Variants in PSD3 observed in about 807,000 individuals in gnomAD.
PSD3 encodes the protein pleckstrin and Sec7 domain containing 3.
A neutral mutation model predicts 105.5 loss-of-function variants in PSD3; 49 were observed. The observed-to-expected ratio is 0.46, with a 90% confidence interval of 0.37 to 0.59. The LOEUF (loss-of-function observed/expected upper bound fraction) is 0.59, where lower values mean the gene tolerates loss of function less well. PSD3 is among the 20% of genes least tolerant of loss of function. The pLI is 0.00. For missense variants in PSD3, 1,561 were observed against 1,263.8 expected (o/e 1.24, Z -3.57); for synonymous variants, 557 against 457.8 (o/e 1.22, Z -2.77).
rs1261460608 is a variant in PSD3, at chr8:18,856,668, A to G, written c.1634+11006T>C. ...TTGCGTTGAGGTGGGGCTTCTAAATAGAGTAATTATAAAGACAATAAAAGA... is the reference window on the plus strand; with the variant it reads ...TTGCGTTGAGGTGGGGCTTCTAAATGGAGTAATTATAAAGACAATAAAAGA... On this transcript the variant is annotated intron_variant, in intron 4 of 15. Coordinates refer to ENST00000327040, the MANE Select transcript of PSD3 (RefSeq NM_015310.4). 2.0e-5 allele frequency among the ~76,000 whole-genome samples: 3 copies of G among 152,206 alleles called. No individual in the cohort carries two copies. The East Asian group carries it at 5.8e-4, about 29-fold the overall frequency.
At chr8:18,994,610 G>C (rs1425100256) in intron 1 of PSD3, among the ~76,000 whole-genome samples, 3 of 151,908 alleles carry the variant, frequency 2.0e-5, no homozygotes, top group Non-Finnish European at 4.4e-5. Flanking sequence ...TACAAGCAAA[G>C]AATATAAATT....
chr8:18,582,433 T>C (rs893823303), intron 12 of PSD3, among the ~76,000 whole-genome samples: 2 of 152,144 alleles, frequency 1.3e-5, no homozygotes, highest in Non-Finnish European at 2.9e-5. Flanking sequence ...TCTGGCCACA[T>C]TGCACAGGCT....
At chr8:18,586,047 A>T (rs1031238550) in intron 12 of PSD3, among the ~76,000 whole-genome samples, 2 of 152,142 alleles carry the variant, frequency 1.3e-5, no homozygotes, top group Non-Finnish European at 2.9e-5. Context: ...CAAAGCTCTT[A>T]CTTTAATACC....
intron 1 of PSD3, among the ~76,000 whole-genome samples, chr8:18,937,313 C>T (rs188601740): frequency 5.6e-4 from 86 of 152,316 alleles, no homozygotes; most frequent in East Asian, 1.3e-3. Context: ...CTGGTTTCTA[C>T]CCACTGGTTA....
In PSD3 at chr8:18,847,112, C is replaced by T. The variant is rs182508518; in HGVS notation, c.1634+20562G>A. On this transcript the variant is annotated intron_variant, in intron 4 of 15. Transcript: ENST00000327040. ...ACCTCTTACATGCTGGTTTCACTTC[C>T]GCTGCTGAGGCGCACACTTCTGCTT... Among the ~76,000 whole-genome samples the T allele has an allele frequency of 5.3e-5, 8 of 152,268 alleles. No homozygotes were observed. In the East Asian group the frequency reaches 7.7e-4, roughly 15 times the overall value.
intron 1 of PSD3, among the ~76,000 whole-genome samples, chr8:19,079,917 T>TC (rs1391708840): frequency 7.3e-6 from 1 of 137,552 alleles, no homozygotes; most frequent in Non-Finnish European, 1.5e-5. Flanking sequence ...TGAGACAGAG[T>TC]CTAGCTCTGT....
At chr8:18,542,077 C>T (rs1800184378) in intron 15 of PSD3, among the ~76,000 whole-genome samples, 1 of 152,022 alleles carries the variant, frequency 6.6e-6, no homozygotes. Context: ...CGTAGTAGTA[C>T]ATGAAAAATA....
upstream of PSD3, among the ~76,000 whole-genome samples, chr8:19,015,857 C>T (rs1198625104): frequency 1.3e-5 from 2 of 152,138 alleles, no homozygotes; most frequent in Non-Finnish European, 2.9e-5. Flanking sequence ...CAATTTCCAT[C>T]GCAAAGGAAA....
chr8:18,600,653 G>A (rs989797166), intron 11 of PSD3, among the ~76,000 whole-genome samples: 1 of 152,128 alleles, frequency 6.6e-6, no homozygotes, highest in Non-Finnish European at 1.5e-5. Flanking sequence ...TACCAGGTTG[G>A]TGCTATTTCT....
At chr8:18,958,700 C>T (rs1346975004) in intron 1 of PSD3, among the ~76,000 whole-genome samples, 1 of 151,984 alleles carries the variant, frequency 6.6e-6, no homozygotes, top group African/African-American at 2.4e-5. Context: ...AAGAAAAACC[C>T]ATATGGTTAG....
intron 9 of PSD3, among the ~76,000 whole-genome samples, chr8:18,694,105 G>A (rs181253412): frequency 1.1e-3 from 166 of 152,278 alleles, no homozygotes; most frequent in African/African-American, 3.3e-3. Flanking sequence ...TTGTTTCAGT[G>A]ACAAAGATTA....
intron 10 of PSD3, among the ~76,000 whole-genome samples, chr8:18,651,610 T>C (rs1446327741): frequency 1.3e-5 from 2 of 152,160 alleles, no homozygotes; most frequent in African/African-American, 4.8e-5. Context: ...CTTAAAGAGC[T>C]TACAATCTAA....
chr8:18,567,911 G>C (rs1245333684), intron 14 of PSD3, among the ~76,000 whole-genome samples: 1 of 152,158 alleles, frequency 6.6e-6, no homozygotes, highest in African/African-American at 2.4e-5. Context: ...TGCGTTATGG[G>C]GGTAGATCCC....
intron 10 of PSD3, among the ~76,000 whole-genome samples, chr8:18,648,795 G>A (rs1164818005): frequency 3.9e-5 from 6 of 152,200 alleles, no homozygotes; most frequent in Non-Finnish European, 5.9e-5. Flanking sequence ...GCCCTATACT[G>A]CTCCCTGCAT....
intron 9 of PSD3, among the ~76,000 whole-genome samples, chr8:18,685,022 C>G (rs940842239): frequency 6.6e-6 from 1 of 152,166 alleles, no homozygotes; most frequent in Non-Finnish European, 1.5e-5. Flanking sequence ...GCCACATAAG[C>G]GTGTTCTCCA....
chr8:18,781,288 G>C (rs1347129643), intron 8 of PSD3, among the ~76,000 whole-genome samples: 1 of 152,158 alleles, frequency 6.6e-6, no homozygotes, highest in Non-Finnish European at 1.5e-5. Context: ...CCCTTAAGCA[G>C]TTATCCTACA....
At chr8:18,847,071 C>T (rs752400917) in intron 4 of PSD3, among the ~76,000 whole-genome samples, 40 of 152,120 alleles carry the variant, frequency 2.6e-4, no homozygotes, top group Middle Eastern at 3.2e-3. Context: ...CCGATTTGGC[C>T]TCGACACTGC....
Position 18,791,818 on chromosome 8 carries a change from A to G in PSD3, c.2082+7477T>C, listed in dbSNP as rs190062182. Among the ~76,000 whole-genome samples, 364 of 152,320 alleles carry G rather than the reference A, an allele frequency of 2.4e-3. 3 individuals carry two copies. Among genetic ancestry groups the G allele is most frequent in the African/African-American group, 7.9e-3 (329 of 41,564 alleles). On this transcript the variant is annotated intron_variant, in intron 8 of 15. Transcript: ENST00000327040. ...TACAGAATGCGAGAAAAATTTTGTA[A>G]TTTATCCATCTGACAATGGTCTAAT...
At chr8:18,615,234 G>C (rs1805571406) in intron 11 of PSD3, among the ~76,000 whole-genome samples, 1 of 151,940 alleles carries the variant, frequency 6.6e-6, no homozygotes, top group Non-Finnish European at 1.5e-5. Flanking sequence ...CCAATCACCT[G>C]CTCCACCCTA....
Sources: gnomAD v4.1 joint callset for allele counts (sites outside exome capture counted in the v4.1 genomes callset) on GRCh38, gnomAD v4.1.1 for gene constraint, MANE v1.5 for transcripts, NCBI Gene and HGNC (gene_info 2026-07-23, HGNC 2026-07-21) for gene names.